The following GRIA2 variants were observed in gnomAD, a reference collection of about 807,000 sequenced individuals.
GRIA2 encodes the protein glutamate ionotropic receptor AMPA type subunit 2.
GRIA2 carries 14 observed loss-of-function variants against 97.3 expected under a neutral mutation model. That is an observed-to-expected ratio of 0.14 (90% CI 0.10 to 0.23). GRIA2 has a LOEUF of 0.23. Among genes scored for constraint, GRIA2 ranks in the 10% least tolerant of loss-of-function variants. The pLI is 1.00. For synonymous variants in GRIA2, 412 were observed against 387.8 expected, an observed-to-expected ratio of 1.06 and a Z score of -0.73; for missense variants, 558 against 1,069.8, an observed-to-expected ratio of 0.52 and a Z score of 6.67.
chr4:157,311,656 C>G (rs569717335), intron 3 of GRIA2, among the ~76,000 whole-genome samples: 1 of 151,978 alleles, frequency 6.6e-6, no homozygotes, highest in African/African-American at 2.4e-5. Context: ...TCAAAAGGGA[C>G]TAATATTGTT....
At position 157,303,609 on chromosome 4, in the gene GRIA2, C is replaced by G. The variant is rs1733710293; in HGVS notation, c.287C>G (p.Ser96Cys). The G allele has an allele frequency of 6.2e-7, 1 of 1,613,878 alleles. No individual in the cohort carries two copies. Among genetic ancestry groups the G allele is most frequent in the African/African-American group, 1.3e-5 (1 of 75,042 alleles). ...YAIFGFYDKK[S>C]VNTITSFCGT... ...ATTTTTGGATTTTATGACAAGAAGT[C>G]TGTAAATACCATCACATCATTTTGC... Residue 96 changes from serine (S) to cysteine (C), a missense_variant, in exon 3 of 16, where the codon TCT becomes TGT. By Grantham distance (112) the Ser-to-Cys change is moderately radical (BLOSUM62 -1). Coordinates refer to ENST00000264426, the MANE Select transcript of GRIA2 (RefSeq NM_001083619.3).
At chr4:157,312,017 ATC>A (rs1734104281) in intron 3 of GRIA2, among the ~76,000 whole-genome samples, 1 of 152,070 alleles carries the variant, frequency 6.6e-6, no homozygotes, top group Non-Finnish European at 1.5e-5. Context: ...AGAGAAGTAA[ATC>A]TATGCTAGAG....
At chr4:157,360,789 G>T in intron 13 of GRIA2, 2 of 582,238 alleles carry the variant, frequency 3.4e-6, no homozygotes. Flanking sequence ...CCCCATATTA[G>T]CACTCTTTCC....
intron 2 of GRIA2, among the ~76,000 whole-genome samples, chr4:157,291,755 G>T (rs1039605778): frequency 1.3e-5 from 2 of 151,846 alleles, no homozygotes; most frequent in Non-Finnish European, 2.9e-5. Context: ...AGTTCCAAAA[G>T]TGAGTAGAGT....
At chr4:157,283,288 C>A (rs1430638493) in intron 2 of GRIA2, among the ~76,000 whole-genome samples, 5 of 151,816 alleles carry the variant, frequency 3.3e-5, no homozygotes, top group African/African-American at 1.2e-4. Context: ...ACTTTGCAGA[C>A]CAATGCAAAG....
intron 1 of GRIA2, 192 bp from the exon 2 acceptor site, chr4:157,221,475 A>C: frequency 1.7e-6 from 1 of 600,868 alleles, no homozygotes; most frequent in Non-Finnish European, 2.9e-6. Context: ...TCGCCTTCAG[A>C]CTCTCATCTG....
At chr4:157,231,104 G>C (rs1308260100) in intron 2 of GRIA2, among the ~76,000 whole-genome samples, 6 of 152,010 alleles carry the variant, frequency 3.9e-5, no homozygotes, top group African/African-American at 1.4e-4. Context: ...TGGTGTTGCA[G>C]TCTCGGCCCA....
chr4:157,265,618 G>A lies in GRIA2; in HGVS notation c.230-37934G>A, dbSNP rs551284683. On this transcript the variant is annotated intron_variant, in intron 2 of 15. Coordinates refer to ENST00000264426, the MANE Select transcript of GRIA2 (RefSeq NM_001083619.3). ...TATTGGCTAAGCCTCCTTAGAGTGA[G>A]TTCATATGCAAGAGGAGAAGAAATA... Among the ~76,000 whole-genome samples, 12 of 152,184 alleles carry A rather than the reference G, an allele frequency of 7.9e-5. No homozygotes were observed. In the East Asian group the frequency reaches 2.3e-3, roughly 30 times the overall value.
At chr4:157,344,482 A>G (rs1391640403) in intron 12 of GRIA2, among the ~76,000 whole-genome samples, 2 of 152,204 alleles carry the variant, frequency 1.3e-5, no homozygotes, top group East Asian at 3.9e-4. Context: ...CCAGGCTGAA[A>G]ACATGTATTG....
At position 157,361,507 on chromosome 4, in the gene GRIA2, T is replaced by C. The variant is rs1336655892; in HGVS notation, c.2406+383T>C. 7.5e-7 allele frequency: 1 copy of C among 1,331,002 alleles called. No homozygotes were observed. Among genetic ancestry groups the C allele is most frequent in the Admixed American group, 1.7e-5 (1 of 59,484 alleles). The allele number at this position is 1,331,002 out of a possible 1,614,324, so 82.4% of individuals were successfully genotyped here. ...AATGAATAACATAAAATAACATTGATAATGTTATTTATGTTATTTTCCACG... is the reference window on the plus strand; with the variant it reads ...AATGAATAACATAAAATAACATTGACAATGTTATTTATGTTATTTTCCACG... On this transcript the variant is annotated intron_variant, in intron 14 of 15. Coordinates refer to ENST00000264426, the MANE Select transcript of GRIA2 (RefSeq NM_001083619.3). The surrounding 1 kb of genome is among the most constrained non-coding windows in gnomAD (Gnocchi z 5.2).
At chr4:157,222,477 T>G (rs1303543542) in intron 2 of GRIA2, among the ~76,000 whole-genome samples, 2 of 144,196 alleles carry the variant, frequency 1.4e-5, no homozygotes, top group African/African-American at 2.6e-5. Flanking sequence ...GGCGTGGGGG[T>G]GGGGCGGGGA....
Position 157,359,977 on chromosome 4 carries a change from G to A in GRIA2, c.2125G>A (p.Glu709Lys). ...EPSVFVRTTAEGVARVRKSKG... is the reference protein window; with the variant it reads ...EPSVFVRTTAKGVARVRKSKG... Reference sequence around the variant, plus strand: ...CTCTGTGTTTGTGAGGACTACGGCCGAAGGGGTGGCTAGAGTGCGGAAGTC... The same window carrying A: ...CTCTGTGTTTGTGAGGACTACGGCCAAAGGGGTGGCTAGAGTGCGGAAGTC... Residue 709 changes from glutamate (E) to lysine (K), a missense_variant, in exon 13 of 16, where the codon GAA becomes AAA. Physicochemically the swap from Glu to Lys is moderately conservative, Grantham distance 56 (BLOSUM62 1). Coordinates refer to ENST00000264426, the MANE Select transcript of GRIA2 (RefSeq NM_001083619.3). The A allele has an allele frequency of 1.2e-6, 2 of 1,613,886 alleles. No individual in the cohort carries two copies. Among genetic ancestry groups the A allele is most frequent in the Non-Finnish European group, 1.7e-6 (2 of 1,179,890 alleles).
intron 3 of GRIA2, among the ~76,000 whole-genome samples, chr4:157,310,898 T>G (rs930344984): frequency 1.5e-4 from 23 of 152,082 alleles, no homozygotes; most frequent in Non-Finnish European, 2.8e-4. Flanking sequence ...GTTTACATTA[T>G]TGGCATGAAT....
intron 3 of GRIA2, among the ~76,000 whole-genome samples, chr4:157,312,215 T>C (rs1435995373): frequency 6.6e-6 from 1 of 152,090 alleles, no homozygotes; most frequent in Non-Finnish European, 1.5e-5. Context: ...TATCCTCACA[T>C]AGACTTACAT....
At chr4:157,254,023 C>CT (rs879674487) in intron 2 of GRIA2, among the ~76,000 whole-genome samples, 34 of 145,450 alleles carry the variant, frequency 2.3e-4, no homozygotes, top group South Asian at 4.4e-4. Context: ...CACATACTTT[C>CT]TTTTTTTTTT....
intron 2 of GRIA2, among the ~76,000 whole-genome samples, chr4:157,250,643 A>T (rs557679252): frequency 6.6e-6 from 1 of 152,238 alleles, no homozygotes; most frequent in Non-Finnish European, 1.5e-5. Flanking sequence ...ATATAGAAAC[A>T]TATAAACACA....
chr4:157,261,112 C>A (rs957373525), intron 2 of GRIA2, among the ~76,000 whole-genome samples: 24 of 152,024 alleles, frequency 1.6e-4, no homozygotes, highest in Non-Finnish European at 3.1e-4. Context: ...TTAATGGATT[C>A]ATAGTTCCAT....
chr4:157,356,756 G>GT (rs762961444), intron 12 of GRIA2, among the ~76,000 whole-genome samples: 1 of 152,036 alleles, frequency 6.6e-6, no homozygotes, highest in Non-Finnish European at 1.5e-5. Context: ...ATTTTTTAGT[G>GT]TATTTGTAAA....
chr4:157,258,499 T>C (rs1731383221), intron 2 of GRIA2, among the ~76,000 whole-genome samples: 1 of 152,158 alleles, frequency 6.6e-6, no homozygotes, highest in South Asian at 2.1e-4. Flanking sequence ...TCAAATCCTG[T>C]CTCCTGATAA....
Sources: gnomAD v4.1 joint callset for allele counts (sites outside exome capture counted in the v4.1 genomes callset) on GRCh38, gnomAD v4.1.1 for gene constraint, Gnocchi (gnomAD v3.1) non-coding constraint, MANE v1.5 for transcripts, NCBI Gene and HGNC (gene_info 2026-07-23, HGNC 2026-07-21) for gene names.